Variants in FAM163B observed in about 807,000 individuals in gnomAD.
FAM163B encodes family with sequence similarity 163 member B.
A neutral mutation model predicts 7.6 loss-of-function variants in FAM163B; 4 were observed. That is an observed-to-expected ratio of 0.52 (90% CI 0.26 to 1.20). The LOEUF is 1.20. Among genes scored for constraint, FAM163B ranks in the 50% most tolerant of loss-of-function variants. The pLI is 0.14. For missense variants in FAM163B, 250 were observed against 243.0 expected, an observed-to-expected ratio of 1.03 and a Z score of -0.19; for synonymous variants, 120 against 111.6, an observed-to-expected ratio of 1.07 and a Z score of -0.47.
At position 133,600,690 on chromosome 9, in the gene FAM163B, G is replaced by T. The variant is rs1477881735; in HGVS notation, c.-24+8387C>A. On this transcript the variant is annotated intron_variant, in intron 1 of 2. Transcript: ENST00000673969. The surrounding 1 kb of genome is among the most constrained non-coding windows in gnomAD (Gnocchi z 4.9). ...TTGGTCTAAGCTCCTGGAGTCGCAG[G>T]CTCCCAGAATCTTAAAGCCACATTT... 1.4e-5 allele frequency among the ~76,000 whole-genome samples: 2 copies of T among 147,770 alleles called. No homozygotes were observed. The highest frequency in any genetic ancestry group is 3.0e-5 in the Non-Finnish European group (2 of 67,204).
At chr9:133,593,427 C>T (rs570600762) in intron 1 of FAM163B, among the ~76,000 whole-genome samples, 1 of 152,074 alleles carries the variant, frequency 6.6e-6, no homozygotes, top group East Asian at 1.9e-4. Context: ...CTCCACTGGC[C>T]CCTCTGCCAG....
At chr9:133,588,631 G>A (rs1186296072) in intron 1 of FAM163B, among the ~76,000 whole-genome samples, 24 of 152,100 alleles carry the variant, frequency 1.6e-4, no homozygotes, top group East Asian at 5.8e-4. Context: ...CTAGCATGTT[G>A]AGGGATCTAG....
At chr9:133,597,946 C>T (rs937801591) in intron 1 of FAM163B, among the ~76,000 whole-genome samples, 1 of 152,212 alleles carries the variant, frequency 6.6e-6, no homozygotes, top group Non-Finnish European at 1.5e-5. Context: ...ACTGTCTCCT[C>T]TTCTAGACTT....
chr9:133,584,059 G>A (rs1230119921), intron 1 of FAM163B, among the ~76,000 whole-genome samples: 1 of 144,900 alleles, frequency 6.9e-6, no homozygotes, highest in East Asian at 2.0e-4. Flanking sequence ...CCCCCCCCCG[G>A]ACCTACCACG....
rs1220552169 is a variant in FAM163B at position 133,609,389 on chromosome 9, T to C, written c.-336A>G. Among the ~76,000 whole-genome samples, 3 of 149,626 alleles carry C rather than the reference T, an allele frequency of 2.0e-5. No homozygotes were observed. The highest frequency in any genetic ancestry group is 4.5e-5 in the Non-Finnish European group (3 of 67,204). On this transcript the variant is annotated 5_prime_UTR_variant, in exon 1 of 3. Coordinates refer to ENST00000673969, the MANE Select transcript of FAM163B (RefSeq NM_001080515.3). ...CTGGTCCCGAGCGCAGGGCGCGCGC[T>C]GGCGGGGAGGGCGCGCGCCCGAGCC...
chr9:133,588,608 G>GTTGTAGCACTAGC (rs1831478623), intron 1 of FAM163B, among the ~76,000 whole-genome samples: 15 of 1,540 alleles, frequency 9.7e-3, no homozygotes, highest in African/African-American at 0.017. Flanking sequence ...AGGGATCTAG[G>GTTGTAGCACTAGC]ATGCTGAAGG....
At chr9:133,596,604 T>A (rs887525373) in intron 1 of FAM163B, among the ~76,000 whole-genome samples, 1 of 152,032 alleles carries the variant, frequency 6.6e-6, no homozygotes, top group Non-Finnish European at 1.5e-5. Context: ...AATCCCAGGC[T>A]ATGGTGCAGG....
intron 1 of FAM163B, among the ~76,000 whole-genome samples, chr9:133,586,588 G>T (rs965088276): frequency 3.3e-5 from 5 of 152,210 alleles, no homozygotes; most frequent in Non-Finnish European, 5.9e-5. Context: ...CAGTACCATG[G>T]AGGGGCTCTT....
intron 1 of FAM163B, among the ~76,000 whole-genome samples, chr9:133,595,395 T>G (rs1292248145): frequency 1.3e-5 from 2 of 152,188 alleles, no homozygotes. Context: ...ATGATCCTCC[T>G]GCCTCGGCCT....
At chr9:133,590,230 T>TTC (rs764273167) in intron 1 of FAM163B, among the ~76,000 whole-genome samples, 1,550 of 144,896 alleles carry the variant, frequency 0.011, 19 homozygotes, top group Non-Finnish European at 0.018. Flanking sequence ...CCTTCCTTCC[T>TTC]TCTCTCTCCT....
intron 1 of FAM163B, among the ~76,000 whole-genome samples, chr9:133,599,219 A>G (rs757928336): frequency 2.0e-5 from 3 of 151,698 alleles, no homozygotes; most frequent in Non-Finnish European, 4.4e-5. Context: ...TGCTCCATCG[A>G]CTCGGAACTG....
At chr9:133,603,695 G>A (rs2131263781) in intron 1 of FAM163B, among the ~76,000 whole-genome samples, 1 of 152,300 alleles carries the variant, frequency 6.6e-6, no homozygotes, top group South Asian at 2.1e-4. Context: ...TAATCCTTCA[G>A]GGCTTAGCTC....
In FAM163B at chr9:133,578,715, A is replaced by C; in HGVS notation, c.*307T>G. 2.6e-6 allele frequency: 1 copy of C among 386,560 alleles called. No homozygotes were observed. Among genetic ancestry groups the C allele is most frequent in the East Asian group, 4.1e-5 (1 of 24,464 alleles). 23.9% of individuals were successfully genotyped at this position (386,560 alleles called of 1,614,324 possible). ...GCCAGGTTGTTGGGTCTGAGACAGA[A>C]TCATCAGGAGTAACGGTGGCCTCTG... is the stretch of plus-strand genomic sequence containing the variant. On this transcript the variant is annotated 3_prime_UTR_variant, in exon 3 of 3. Coordinates refer to ENST00000673969, the MANE Select transcript of FAM163B (RefSeq NM_001080515.3).
In FAM163B at chr9:133,601,255, A is replaced by G. The variant is rs544759884; in HGVS notation, c.-24+7822T>C. On this transcript the variant is annotated intron_variant, in intron 1 of 2. Transcript: ENST00000673969. This position sits in a 1 kb window ranked among gnomAD's most constrained non-coding sequence, Gnocchi z 4.1. The stretch of plus-strand genomic sequence containing the variant: ...CCTTTGGAGCCGACTCAGTGATTCT[A>G]TTATAACTTGTGCAGGTAACTCTGC... Among the ~76,000 whole-genome samples the G allele has an allele frequency of 7.9e-5, 12 of 152,240 alleles. No homozygotes were observed. Among genetic ancestry groups the G allele is most frequent in the African/African-American group, 2.4e-4 (10 of 41,558 alleles).
chr9:133,592,985 G>A (rs1428215031), intron 1 of FAM163B, among the ~76,000 whole-genome samples: 5 of 152,320 alleles, frequency 3.3e-5, no homozygotes, highest in Non-Finnish European at 5.9e-5. Context: ...AGCTTTGCTG[G>A]TGGTGCCAAT....
Position 133,579,011 on chromosome 9 carries a change from G to A in FAM163B, c.*11C>T. 1 of 1,494,474 alleles carries A rather than the reference G, an allele frequency of 6.7e-7. No homozygotes were observed. 92.6% of individuals were successfully genotyped at this position (1,494,474 alleles called of 1,614,324 possible). ...GACCTTCAAGGCCAGGATCCCGGGG[G>A]CGGGCCCAGGTCACACGTCGGTGCT... On this transcript the variant is annotated 3_prime_UTR_variant, in exon 3 of 3. Coordinates refer to ENST00000673969, the MANE Select transcript of FAM163B (RefSeq NM_001080515.3).
rs1360100304 is a variant in FAM163B, at chr9:133,577,464, A to G, written c.*1558T>C. ...GAGGAAAACAATTGAGAACATAACG[A>G]TTGTGACTTCGTCAGCCGTTCCCCC... On this transcript the variant is annotated 3_prime_UTR_variant, in exon 3 of 3. Coordinates refer to ENST00000673969, the MANE Select transcript of FAM163B (RefSeq NM_001080515.3). Among the ~76,000 whole-genome samples the G allele has an allele frequency of 6.6e-6, 1 of 152,210 alleles. No individual in the cohort carries two copies. Among genetic ancestry groups the G allele is most frequent in the Non-Finnish European group, 1.5e-5 (1 of 68,036 alleles).
At chr9:133,588,058 G>A (rs1329806411) in intron 1 of FAM163B, among the ~76,000 whole-genome samples, 1 of 152,194 alleles carries the variant, frequency 6.6e-6, no homozygotes, top group African/African-American at 2.4e-5. Context: ...AGGAAGCCAG[G>A]AGCAGCCACA....
At position 133,578,119 on chromosome 9, in the gene FAM163B, AG is replaced by A. The variant is rs1450504252; in HGVS notation, c.*902del. On this transcript the variant is annotated 3_prime_UTR_variant, in exon 3 of 3. Transcript: ENST00000673969. ...GGGAGACTGAGGCCCAGGGGTGGGA[AG>A]GGCCAGCCAAGTCTCACGGGGAACT... is the stretch of plus-strand genomic sequence containing the variant. Among the ~76,000 whole-genome samples the A allele has an allele frequency of 2.0e-5, 3 of 152,072 alleles. No homozygotes were observed. The highest frequency in any genetic ancestry group is 7.2e-5 in the African/African-American group (3 of 41,400).
Sources: gnomAD v4.1 joint callset for allele counts (sites outside exome capture counted in the v4.1 genomes callset) on GRCh38, gnomAD v4.1.1 for gene constraint, Gnocchi (gnomAD v3.1) non-coding constraint, MANE v1.5 for transcripts, NCBI Gene and HGNC (gene_info 2026-07-23, HGNC 2026-07-21) for gene names.